GRIK2: variants seen among roughly 807,000 people sequenced by gnomAD.
GRIK2 encodes the protein glutamate receptor ionotropic, kainate 2.
GRIK2 carries 32 observed loss-of-function variants against 100.3 expected under a neutral mutation model. That is an observed-to-expected ratio of 0.32 (90% confidence interval 0.24 to 0.43). The LOEUF (loss-of-function observed/expected upper bound fraction) is 0.43. Ranked by LOEUF, GRIK2 falls within the 20% of genes least tolerant of loss-of-function variation. The pLI is 1.00. For synonymous variants in GRIK2, 417 were observed against 389.4 expected (o/e 1.07, Z -0.83); for missense variants, 843 against 1,114.9 (o/e 0.76, Z 3.47).
intron 14 of GRIK2, among the ~76,000 whole-genome samples, chr6:101,950,985 C>G (rs1439453097): frequency 6.6e-6 from 1 of 152,060 alleles, no homozygotes; most frequent in Non-Finnish European, 1.5e-5. Flanking sequence ...AAAGTTTAAG[C>G]GTCATTGTAG....
At chr6:101,414,902 CTAAA>C (rs1279211171) in intron 2 of GRIK2, among the ~76,000 whole-genome samples, 1 of 151,824 alleles carries the variant, frequency 6.6e-6, no homozygotes, top group Non-Finnish European at 1.5e-5. Flanking sequence ...AAGCATCTGA[CTAAA>C]TATTTCAGAA....
At chr6:101,618,562 T>G (rs911286141) in intron 2 of GRIK2, among the ~76,000 whole-genome samples, 1 of 151,808 alleles carries the variant, frequency 6.6e-6, no homozygotes, top group African/African-American at 2.4e-5. Context: ...CTATTCTTTC[T>G]TTTTATAGTC....
At chr6:101,432,476 A>G (rs139804438) in intron 2 of GRIK2, among the ~76,000 whole-genome samples, 2 of 152,296 alleles carry the variant, frequency 1.3e-5, no homozygotes, top group African/African-American at 4.8e-5. Context: ...CCCAATGACA[A>G]TCCACTAAGT....
intron 7 of GRIK2, among the ~76,000 whole-genome samples, chr6:101,718,368 C>A (rs1369687955): frequency 6.6e-6 from 1 of 151,834 alleles, no homozygotes; most frequent in East Asian, 1.9e-4. Flanking sequence ...ATTATAAACA[C>A]TTCTATGGAA....
intron 15 of GRIK2, among the ~76,000 whole-genome samples, chr6:102,052,582 T>G (rs572881362): frequency 7.9e-5 from 12 of 152,322 alleles, no homozygotes; most frequent in African/African-American, 2.9e-4. Flanking sequence ...ATGGAGAATA[T>G]AGTGTTTGAA....
intron 14 of GRIK2, among the ~76,000 whole-genome samples, chr6:101,990,832 TTTC>T (rs938252679): frequency 7.8e-6 from 1 of 127,722 alleles, no homozygotes; most frequent in African/African-American, 2.6e-5. Flanking sequence ...TTGTCATTAA[TTTC>T]TTAATTTTTT....
intron 2 of GRIK2, among the ~76,000 whole-genome samples, chr6:101,553,210 G>A (rs186231042): frequency 1.9e-4 from 29 of 152,182 alleles, no homozygotes; most frequent in Non-Finnish European, 3.8e-4. Flanking sequence ...AATATGGCAC[G>A]GCAATTAATG....
At chr6:101,888,902 A>C (rs1786848872) in intron 11 of GRIK2, among the ~76,000 whole-genome samples, 1 of 152,178 alleles carries the variant, frequency 6.6e-6, no homozygotes, top group Non-Finnish European at 1.5e-5. Flanking sequence ...GCTTAAGTTC[A>C]TCTTTGACAG....
intron 14 of GRIK2, among the ~76,000 whole-genome samples, chr6:101,929,351 C>T (rs535517980): frequency 6.6e-5 from 10 of 152,216 alleles, no homozygotes; most frequent in Admixed American, 6.5e-4. Context: ...TTTATAATTC[C>T]TTTTGTATCT....
chr6:101,865,988 A>G (rs11756068), intron 11 of GRIK2, among the ~76,000 whole-genome samples: 29,484 of 151,990 alleles, frequency 0.19, 3,575 homozygotes, highest in South Asian at 0.31. Flanking sequence ...AAACACTATT[A>G]TTATTGTATT....
At chr6:101,818,188 A>C (rs886916477) in intron 9 of GRIK2, among the ~76,000 whole-genome samples, 182 bp from the exon 10 acceptor site, 5 of 152,164 alleles carry the variant, frequency 3.3e-5, no homozygotes, top group African/African-American at 1.2e-4. Flanking sequence ...TTAATGTTAC[A>C]CTTCACTGAA....
intron 7 of GRIK2, among the ~76,000 whole-genome samples, chr6:101,764,400 A>G (rs1444731089): frequency 6.6e-6 from 1 of 152,124 alleles, no homozygotes; most frequent in South Asian, 2.1e-4. Flanking sequence ...CATAGAGATT[A>G]TGTTTTAGAA....
intron 7 of GRIK2, among the ~76,000 whole-genome samples, chr6:101,788,316 G>C (rs922951609): frequency 3.3e-5 from 5 of 151,542 alleles, no homozygotes; most frequent in African/African-American, 4.9e-5. Context: ...CCATTAACTC[G>C]TCATTTAGCA....
chr6:101,568,151 A>C (rs564118902), intron 2 of GRIK2, among the ~76,000 whole-genome samples: 26 of 152,130 alleles, frequency 1.7e-4, no homozygotes, highest in African/African-American at 5.5e-4. Context: ...AATACTAAAC[A>C]TAAGTGTTAA....
intron 9 of GRIK2, among the ~76,000 whole-genome samples, chr6:101,812,678 T>C (rs1483835027): frequency 6.6e-6 from 1 of 152,020 alleles, no homozygotes; most frequent in South Asian, 2.1e-4. Context: ...AAGTAAACAG[T>C]TAAAATATAA....
intron 2 of GRIK2, among the ~76,000 whole-genome samples, chr6:101,576,523 C>T (rs1777796352): frequency 6.6e-6 from 1 of 151,920 alleles, no homozygotes; most frequent in African/African-American, 2.4e-5. Flanking sequence ...TATGATCCAC[C>T]CTGGCATTTG....
At chr6:101,530,535 A>G (rs1775387773) in intron 2 of GRIK2, among the ~76,000 whole-genome samples, 1 of 138,484 alleles carries the variant, frequency 7.2e-6, no homozygotes, top group Non-Finnish European at 1.6e-5. Flanking sequence ...AGGTGGATAC[A>G]TATGGATGAA....
chr6:101,686,301 G>A lies in GRIK2; in HGVS notation c.899G>A (p.Arg300Gln), dbSNP rs1180999815. ...SSIIEKWSME[R>Q]LQAPPKPDSG... ...ATCATTGAAAAGTGGTCGATGGAACGATTGCAGGCACCTCCGAAACCCGAT... is the reference window on the plus strand; with the variant it reads ...ATCATTGAAAAGTGGTCGATGGAACAATTGCAGGCACCTCCGAAACCCGAT... Residue 300 changes from arginine (R) to glutamine (Q), a missense_variant, in exon 7 of 17, where the codon CGA becomes CAA. Physicochemically the swap from Arg to Gln is conservative, Grantham distance 43 (BLOSUM62 1). Coordinates refer to ENST00000369134, the MANE Select transcript of GRIK2 (RefSeq NM_021956.5). 5.6e-6 allele frequency: 9 copies of A among 1,613,364 alleles called. No individual in the cohort carries two copies. The highest frequency in any genetic ancestry group is 3.3e-5 in the South Asian group (3 of 91,062).
chr6:101,850,593 A>G (rs1784076346), intron 10 of GRIK2, among the ~76,000 whole-genome samples: 1 of 152,044 alleles, frequency 6.6e-6, no homozygotes, highest in Admixed American at 6.6e-5. Flanking sequence ...AAACATTTTT[A>G]TACCCTCAAC....
Sources: gnomAD v4.1 joint callset for allele counts (sites outside exome capture counted in the v4.1 genomes callset) on GRCh38, gnomAD v4.1.1 for gene constraint, MANE v1.5 for transcripts, NCBI Gene and HGNC (gene_info 2026-07-23, HGNC 2026-07-21) for gene names.